Variants in APLF observed in about 807,000 individuals in gnomAD.
APLF encodes aprataxin and PNK-like factor.
In APLF, 61 loss-of-function variants were observed where a neutral mutation model predicts 55.6. That is an observed-to-expected ratio of 1.10 (90% CI 0.89 to 1.36). APLF has a LOEUF of 1.36. APLF is among the 40% of genes most tolerant of loss of function. APLF has a pLI of 0.00. For synonymous variants in APLF, 207 were observed against 214.8 expected (o/e 0.96, Z 0.32); for missense variants, 611 against 602.5 (o/e 1.01, Z -0.15).
chr2:68,561,194 T>C (rs1161239963), intron 8 of APLF, among the ~76,000 whole-genome samples: 1 of 152,154 alleles, frequency 6.6e-6, no homozygotes, highest in South Asian at 2.1e-4. Flanking sequence ...CTTAATAGCA[T>C]GCAGATTTTT....
At chr2:68,513,772 T>C in intron 5 of APLF, 92 bp downstream of exon 5, 5 of 1,256,498 alleles carry the variant, frequency 4.0e-6, no homozygotes, top group Non-Finnish European at 5.3e-6. Context: ...ACTAGTTCTA[T>C]AGAGATAGAG....
chr2:68,519,178 G>T (rs1161800528), intron 5 of APLF, among the ~76,000 whole-genome samples: 1 of 136,000 alleles, frequency 7.4e-6, no homozygotes, highest in Non-Finnish European at 1.5e-5. Flanking sequence ...TTGGACCAAT[G>T]TGACTATATA....
At position 68,579,247 on chromosome 2, in the gene APLF, G is replaced by A; in HGVS notation, c.*1225G>A. On this transcript the variant is annotated 3_prime_UTR_variant, in exon 10 of 10. Transcript: ENST00000303795. The stretch of plus-strand genomic sequence containing the variant: ...TTAATATTTACTTAAACTGGAACAA[G>A]AATAAGATAAACATTTCTCTAGACT... 1.2e-6 allele frequency: 1 copy of A among 817,910 alleles called. No homozygotes were observed. Among genetic ancestry groups the A allele is most frequent in the Non-Finnish European group, 1.5e-6 (1 of 677,604 alleles). The allele number at this position is 817,910 out of a possible 1,614,324, so 50.7% of individuals were successfully genotyped here.
At chr2:68,481,670 C>T (rs1675961750) in intron 1 of APLF, among the ~76,000 whole-genome samples, 1 of 152,144 alleles carries the variant, frequency 6.6e-6, no homozygotes, top group South Asian at 2.1e-4. Context: ...GGGAGGTTTT[C>T]AGCTATTATT....
At chr2:68,540,473 A>G (rs1670516625) in intron 7 of APLF, among the ~76,000 whole-genome samples, 1 of 152,154 alleles carries the variant, frequency 6.6e-6, no homozygotes, top group African/African-American at 2.4e-5. Flanking sequence ...ATAAACATAC[A>G]TTAGCATGTA....
chr2:68,517,973 C>G (rs562057041), intron 5 of APLF, among the ~76,000 whole-genome samples: 2 of 136,986 alleles, frequency 1.5e-5, no homozygotes, highest in African/African-American at 5.6e-5. Context: ...TAATATATAA[C>G]AGTAATATAT....
rs1402494593 is a variant in APLF at position 68,513,529 on chromosome 2, T to C, written c.490-19T>C. 1.2e-6 allele frequency: 2 copies of C among 1,607,344 alleles called. No individual in the cohort carries two copies. Among genetic ancestry groups the C allele is most frequent in the African/African-American group, 2.7e-5 (2 of 74,390 alleles). On this transcript the variant is annotated intron_variant, in intron 4 of 9. Transcript: ENST00000303795. ...CAAGATGTGTGATTATTTTTAGTAA[T>C]TTATAGGTGTCTTTTTAGTCTTTCC...
At chr2:68,526,406 A>G (rs568426546) in intron 6 of APLF, among the ~76,000 whole-genome samples, 164 bp downstream of exon 6, 26 of 152,196 alleles carry the variant, frequency 1.7e-4, no homozygotes, top group South Asian at 1.2e-3. Context: ...AATCTTTAAT[A>G]TAGTATTTGT....
rs574200782 is a variant in APLF, at chr2:68,578,003, G to A, written c.1517G>A (p.Arg506Lys). 119 of 1,612,572 alleles carry A rather than the reference G, an allele frequency of 7.4e-5. No individual in the cohort carries two copies. The highest frequency in any genetic ancestry group is 3.7e-4 in the South Asian group (34 of 90,990). Reference sequence around the variant, plus strand: ...GAAGAGCTTTTGAAAGAAGCAAAAAGGTTTATGAAAAGAAAATAGTAACTA... The same window carrying A: ...GAAGAGCTTTTGAAAGAAGCAAAAAAGTTTATGAAAAGAAAATAGTAACTA... The part of the protein sequence containing the change: ...DVEELLKEAK[R>K]FMKRK Residue 506 changes from arginine to lysine, a missense_variant, in exon 10 of 10, where the codon AGG becomes AAG. By Grantham distance (26) the Arg-to-Lys change is conservative. Transcript: ENST00000303795.
At chr2:68,471,958 A>G (rs1192706634) in intron 1 of APLF, among the ~76,000 whole-genome samples, 2 of 152,182 alleles carry the variant, frequency 1.3e-5, no homozygotes, top group Admixed American at 6.5e-5. Context: ...TGAGACATCA[A>G]TCAAATACAT....
chr2:68,497,887 A>T (rs890623456), intron 2 of APLF, among the ~76,000 whole-genome samples: 4 of 152,254 alleles, frequency 2.6e-5, no homozygotes, highest in African/African-American at 9.6e-5. Context: ...TAAAAAATCC[A>T]GTAGAAAAAT....
chr2:68,566,961 A>G (rs1175672325), intron 8 of APLF, among the ~76,000 whole-genome samples: 1 of 152,120 alleles, frequency 6.6e-6, no homozygotes, highest in African/African-American at 2.4e-5. Context: ...TACTGTAGGC[A>G]CATATGTACT....
chr2:68,552,674 A>G (rs980535813), intron 8 of APLF, among the ~76,000 whole-genome samples: 1 of 152,134 alleles, frequency 6.6e-6, no homozygotes, highest in Non-Finnish European at 1.5e-5. Context: ...AATAAAAACA[A>G]AATACAAAGC....
intron 1 of APLF, among the ~76,000 whole-genome samples, chr2:68,471,432 C>G (rs1675613127): frequency 6.6e-6 from 1 of 152,152 alleles, no homozygotes; most frequent in Non-Finnish European, 1.5e-5. Flanking sequence ...AGTCTTTGCT[C>G]TCAAGAAACT....
intron 1 of APLF, among the ~76,000 whole-genome samples, chr2:68,479,154 G>C (rs1006900111): frequency 1.3e-5 from 2 of 152,092 alleles, no homozygotes; most frequent in Non-Finnish European, 2.9e-5. Context: ...GAATCATAAG[G>C]ACTTTTAAGG....
chr2:68,535,916 A>G (rs749786691), intron 6 of APLF, among the ~76,000 whole-genome samples: 2 of 152,170 alleles, frequency 1.3e-5, no homozygotes, highest in Non-Finnish European at 2.9e-5. Flanking sequence ...GGGCATTCTA[A>G]GATAATTACT....
rs1373986713 is a variant in APLF at position 68,529,392 on chromosome 2, G to A, written c.804+3150G>A. The stretch of plus-strand genomic sequence containing the variant: ...GCTGGGAAGGCCTCACGGACAAGAC[G>A]AGCAGGTTGCCGATGGCATGGCCAG... On this transcript the variant is annotated intron_variant, in intron 6 of 9. Transcript: ENST00000303795. This position sits in a 1 kb window ranked among gnomAD's most constrained non-coding sequence, Gnocchi z 4.4. 7.8e-6 allele frequency: 10 copies of A among 1,273,900 alleles called. No homozygotes were observed. The highest frequency in any genetic ancestry group is 7.2e-5 in the Admixed American group (2 of 27,894). 78.9% of individuals were successfully genotyped at this position (1,273,900 alleles called of 1,614,324 possible).
Position 68,526,108 on chromosome 2 carries a change from T to G in APLF, c.670T>G (p.Ser224Ala), listed in dbSNP as rs35002937. 6.2e-7 allele frequency: 1 copy of G among 1,613,060 alleles called. No homozygotes were observed. The highest frequency in any genetic ancestry group is 1.7e-5 in the Admixed American group (1 of 59,954). Residue 224 changes from serine (S) to alanine (A), a missense_variant, in exon 6 of 10, where the codon TCC becomes GCC. Ser to Ala is a moderately conservative substitution (Grantham distance 99). Transcript: ENST00000303795. ...SGKEEICKDK[S>A]QLNTTQQGRR... is the part of the protein sequence containing the mutation. ...AAAAGAAGAAATCTGCAAAGATAAA[T>G]CCCAGCTAAACACAACCCAGCAAGG...
At chr2:68,515,676 G>T (rs1234187014) in intron 5 of APLF, 1 of 982,914 alleles carries the variant, frequency 1.0e-6, no homozygotes, top group East Asian at 1.1e-4. Flanking sequence ...AATATCGCAT[G>T]TGTACAATGT....
Sources: allele counts gnomAD v4.1 joint callset (sites outside exome capture counted in the v4.1 genomes callset), GRCh38; gene constraint gnomAD v4.1.1; non-coding constraint Gnocchi (gnomAD v3.1); transcripts MANE v1.5; gene names NCBI Gene and HGNC (gene_info 2026-07-23, HGNC 2026-07-21).